DNTTIP2: variants seen among roughly 807,000 people sequenced by gnomAD.
DNTTIP2 encodes the protein deoxynucleotidyltransferase terminal interacting protein 2.
DNTTIP2 carries 47 observed loss-of-function variants against 62.4 expected under a neutral mutation model. That is an observed-to-expected ratio of 0.75 (90% confidence interval 0.60 to 0.96). DNTTIP2 has a LOEUF of 0.96. Among genes scored for constraint, DNTTIP2 ranks in the 40% least tolerant of loss-of-function variants. The probability of loss-of-function intolerance (pLI) is 0.00; values close to 1 mark genes in which losing one functional copy is unlikely to be tolerated. For synonymous variants in DNTTIP2, 322 were observed against 300.9 expected (o/e 1.07, Z -0.73); for missense variants, 870 against 849.1 (o/e 1.02, Z -0.31).
Position 93,876,762 on chromosome 1 carries a change from A to G in DNTTIP2, c.1173T>C (p.Phe391=). The change falls in exon 2 of 7, where the codon TTT becomes TTC. Residue 391 remains phenylalanine, a synonymous_variant. Coordinates refer to ENST00000436063, the MANE Select transcript of DNTTIP2 (RefSeq NM_014597.5). ...SPIKASDLTK[F]GDCGGSDDEE... is the part of the protein sequence containing the mutation. ...CATCATCACTACCACCACAATCACC[A>G]AACTTTGTCAAGTCACTTGCTTTTA... 1.3e-5 allele frequency: 21 copies of G among 1,613,982 alleles called. No individual in the cohort carries two copies. Among genetic ancestry groups the G allele is most frequent in the Non-Finnish European group, 1.7e-5 (20 of 1,179,880 alleles).
At chr1:93,871,921 C>T in intron 5 of DNTTIP2, 151 bp downstream of exon 5, 1 of 810,122 alleles carries the variant, frequency 1.2e-6, no homozygotes. Flanking sequence ...TGGGTAATGG[C>T]CATTCTTATA....
At chr1:93,869,973 T>C (rs191854606) in intron 6 of DNTTIP2, 29 bp from the exon 7 acceptor site, 9 of 770,124 alleles carry the variant, frequency 1.2e-5, no homozygotes, top group South Asian at 9.6e-5. Context: ...AACTTTATGT[T>C]TGATATATCA....
chr1:93,872,489 A>G (rs952785665), intron 4 of DNTTIP2, among the ~76,000 whole-genome samples: 2 of 152,212 alleles, frequency 1.3e-5, no homozygotes, highest in African/African-American at 4.8e-5. Flanking sequence ...TGTCTCAGAG[A>G]GTAACTGCTG....
Position 93,877,445 on chromosome 1 carries a change from T to C in DNTTIP2, c.490A>G (p.Arg164Gly). The change falls in exon 2 of 7, where the codon AGA becomes GGA. Residue 164 changes from arginine to glycine, a missense_variant. Coordinates refer to ENST00000436063, the MANE Select transcript of DNTTIP2 (RefSeq NM_014597.5). ...VLPTEKTTGA[R>G]RSKAKSLTDP... ...GTCAGAGATTTAGCCTTACTTCTTC[T>C]GGCTCCTGTAGTTTTTTCTGTAGGA... 8 of 1,613,960 alleles carry C rather than the reference T, an allele frequency of 5.0e-6. No individual in the cohort carries two copies. The highest frequency in any genetic ancestry group is 6.8e-6 in the Non-Finnish European group (8 of 1,179,900).
In DNTTIP2 at chr1:93,876,618, ATTATC is replaced by A; in HGVS notation, c.1312_1316del (p.Asp438PhefsTer9). On this transcript the variant is annotated frameshift_variant, in exon 2 of 7. Coordinates refer to ENST00000436063, the MANE Select transcript of DNTTIP2 (RefSeq NM_014597.5). LOFTEE classifies it high-confidence loss of function. ...CACTGCTGAGAACTAGTAAGACAGA[ATTATC>A]TTTACCCTGAGATGTGTTGGGCGCA... The A allele has an allele frequency of 3.7e-6, 6 of 1,614,008 alleles. No homozygotes were observed. The South Asian group carries it at 6.6e-5, about 18-fold the overall frequency.
chr1:93,873,757 C>T (rs889858654), intron 3 of DNTTIP2, among the ~76,000 whole-genome samples: 3 of 152,264 alleles, frequency 2.0e-5, no homozygotes, highest in East Asian at 1.9e-4. Context: ...CATAAGAAAA[C>T]GCCATTTCTC....
At chr1:93,871,967 C>A (rs779190853) in intron 5 of DNTTIP2, 105 bp downstream of exon 5, 1 of 1,283,728 alleles carries the variant, frequency 7.8e-7, no homozygotes, top group Non-Finnish European at 1.1e-6. Context: ...ATTAGGCATG[C>A]ACAATGGAAA....
At chr1:93,871,388 G>A (rs1655858675) in intron 5 of DNTTIP2, among the ~76,000 whole-genome samples, 2 of 152,184 alleles carry the variant, frequency 1.3e-5, no homozygotes, top group South Asian at 4.1e-4. Flanking sequence ...ACGCTCTGAA[G>A]ACAAAGTGAC....
At chr1:93,875,512 T>C in intron 3 of DNTTIP2, 133 bp downstream of exon 3, 1 of 830,904 alleles carries the variant, frequency 1.2e-6, no homozygotes, top group East Asian at 2.8e-5. Flanking sequence ...AATGACTGTT[T>C]TAGAGAGAAG....
Position 93,877,631 on chromosome 1 carries a change from T to C in DNTTIP2, c.304A>G (p.Thr102Ala). 1 of 1,614,012 alleles carries C rather than the reference T, an allele frequency of 6.2e-7. No individual in the cohort carries two copies. Among genetic ancestry groups the C allele is most frequent in the African/African-American group, 1.3e-5 (1 of 75,050 alleles). Residue 102 changes from threonine (T) to alanine (A), a missense_variant, in exon 2 of 7, where the codon ACC becomes GCC. Physicochemically the swap from Thr to Ala is moderately conservative, Grantham distance 58 (BLOSUM62 0). Coordinates refer to ENST00000436063, the MANE Select transcript of DNTTIP2 (RefSeq NM_014597.5). ...SNYSVSEHHDTILRVTRRRQI... is the reference protein window; with the variant it reads ...SNYSVSEHHDAILRVTRRRQI... ...CTTCTCCTAGTTACCCTTAAAATGG[T>C]ATCATGGTGCTCAGACACAGAATAA...
rs1420738621 is a variant in DNTTIP2, at chr1:93,879,168, C to T, written c.-20G>A. 1 of 1,610,714 alleles carries T rather than the reference C, an allele frequency of 6.2e-7. No homozygotes were observed. Among genetic ancestry groups the T allele is most frequent in the East Asian group, 2.2e-5 (1 of 44,826 alleles). On this transcript the variant is annotated 5_prime_UTR_variant, in exon 1 of 7. Coordinates refer to ENST00000436063, the MANE Select transcript of DNTTIP2 (RefSeq NM_014597.5). ...CACCATCTTTCCGGCTCCCTCGCGA[C>T]CACCACGACTTCCCTCTTCCCTGGC...
At chr1:93,877,944 A>G in intron 1 of DNTTIP2, 82 bp from the exon 2 acceptor site, 1 of 1,454,200 alleles carries the variant, frequency 6.9e-7, no homozygotes, top group Non-Finnish European at 9.0e-7. Context: ...CCCAAAAGCT[A>G]AAACCCAGTA....
At chr1:93,878,839 AC>A in intron 1 of DNTTIP2, 3 of 525,500 alleles carry the variant, frequency 5.7e-6, no homozygotes, top group Non-Finnish European at 1.0e-5. Context: ...GAGTTGAACG[AC>A]CCAAATAAAG....
At position 93,876,330 on chromosome 1, in the gene DNTTIP2, A is replaced by G. The variant is rs1026367914; in HGVS notation, c.1605T>C (p.His535=). 9 of 1,553,178 alleles carry G rather than the reference A, an allele frequency of 5.8e-6. No individual in the cohort carries two copies. The highest frequency in any genetic ancestry group is 7.0e-6 in the Non-Finnish European group (8 of 1,147,746). ...DEKSEEDSSD[H]DENEDEFSDE... ...CACTAAACTCATCTTCATTTTCGTCATGGTCTGATGAATCTTCTTCACTTT... is the reference window on the plus strand; with the variant it reads ...CACTAAACTCATCTTCATTTTCGTCGTGGTCTGATGAATCTTCTTCACTTT... The change falls in exon 2 of 7, where the codon CAT becomes CAC. Residue 535 remains histidine, a synonymous_variant. Coordinates refer to ENST00000436063, the MANE Select transcript of DNTTIP2 (RefSeq NM_014597.5).
intron 1 of DNTTIP2, chr1:93,878,721 T>C (rs1473847873): frequency 5.5e-6 from 1 of 182,746 alleles, no homozygotes; most frequent in African/African-American, 2.4e-5. Context: ...ACGAAGCTTT[T>C]TTTCCAGCCC....
intron 5 of DNTTIP2, 61 bp from the exon 6 acceptor site, chr1:93,870,853 T>C (rs1655838802): frequency 3.9e-6 from 3 of 773,376 alleles, no homozygotes; most frequent in Non-Finnish European, 6.0e-6. Flanking sequence ...CATACTTCAG[T>C]GTAGCTCTAA....
At position 93,867,400 on chromosome 1, in the gene DNTTIP2, G is replaced by A. The variant is rs1329824178; in HGVS notation, c.*2451C>T. ...AGGCGGGTGGATCACTTGAGGTAAG[G>A]ATGGCAAAACCCCATCTCTACTAAA... On this transcript the variant is annotated 3_prime_UTR_variant, in exon 7 of 7. Coordinates refer to ENST00000436063, the MANE Select transcript of DNTTIP2 (RefSeq NM_014597.5). The A allele has an allele frequency of 6.6e-6, 1 of 151,876 alleles. No homozygotes were observed. Among genetic ancestry groups the A allele is most frequent in the Admixed American group, 6.6e-5 (1 of 15,228 alleles). 9.4% of individuals were successfully genotyped at this position (151,876 alleles called of 1,614,324 possible). A position where few individuals can be genotyped will look rare whatever the true frequency, so the allele number is the denominator to read the frequency against.
chr1:93,871,408 C>A (rs1310277307), intron 5 of DNTTIP2, among the ~76,000 whole-genome samples: 2 of 152,178 alleles, frequency 1.3e-5, no homozygotes, highest in African/African-American at 4.8e-5. Context: ...CCAATTGTAC[C>A]TAAGAGAGGT....
chr1:93,876,467 C>T lies in DNTTIP2; in HGVS notation c.1468G>A (p.Val490Ile). Residue 490 changes from valine to isoleucine, a missense_variant, in exon 2 of 7, where the codon GTA (valine) becomes ATA (isoleucine). Coordinates refer to ENST00000436063, the MANE Select transcript of DNTTIP2 (RefSeq NM_014597.5). Reference sequence around the variant, plus strand: ...CTCATTCCAGGAGTTGTGTCAATTACAAACAATGCATTGTCACATGACAGA... The same window carrying T: ...CTCATTCCAGGAGTTGTGTCAATTATAAACAATGCATTGTCACATGACAGA... ...GSLSCDNALF[V>I]IDTTPGMSAD... 6.2e-7 allele frequency: 1 copy of T among 1,613,942 alleles called. No individual in the cohort carries two copies. The highest frequency in any genetic ancestry group is 8.5e-7 in the Non-Finnish European group (1 of 1,179,880).
Sources: gnomAD v4.1 joint callset for allele counts (sites outside exome capture counted in the v4.1 genomes callset) on GRCh38, gnomAD v4.1.1 for gene constraint, MANE v1.5 for transcripts, NCBI Gene and HGNC (gene_info 2026-07-23, HGNC 2026-07-21) for gene names.